The following MAGI2 variants were observed in gnomAD, a reference collection of about 807,000 sequenced individuals.
MAGI2 encodes the protein membrane associated guanylate kinase, WW and PDZ domain containing 2, also known as membrane-associated guanylate kinase, WW and PDZ domain-containing protein 2.
MAGI2 carries 35 observed loss-of-function variants against 133.3 expected under a neutral mutation model. That is an observed-to-expected ratio of 0.26 (90% CI 0.20 to 0.35). The LOEUF (loss-of-function observed/expected upper bound fraction) is 0.35. Among genes scored for constraint, MAGI2 ranks in the 10% least tolerant of loss-of-function variants. MAGI2 has a pLI of 1.00. For synonymous variants in MAGI2, 729 were observed against 710.6 expected, an observed-to-expected ratio of 1.03 and a Z score of -0.41; for missense variants, 1,636 against 1,863.4, an observed-to-expected ratio of 0.88 and a Z score of 2.25.
intron 5 of MAGI2, among the ~76,000 whole-genome samples, chr7:78,497,430 G>T (rs1794187978): frequency 6.6e-6 from 1 of 152,126 alleles, no homozygotes; most frequent in African/African-American, 2.4e-5. Context: ...AACATAGTTG[G>T]CCTGCTAGTT....
chr7:79,174,408 C>T (rs1394356582), intron 1 of MAGI2, among the ~76,000 whole-genome samples: 1 of 151,900 alleles, frequency 6.6e-6, no homozygotes, highest in African/African-American at 2.4e-5. Flanking sequence ...ATTATTTGCA[C>T]GTCTGAATTC....
intron 21 of MAGI2, chr7:78,078,538 C>T (rs375260315): frequency 8.6e-5 from 20 of 232,296 alleles, no homozygotes; most frequent in African/African-American, 4.1e-4. Context: ...GTTACAAATC[C>T]TTTGAGATAG....
intron 12 of MAGI2, among the ~76,000 whole-genome samples, chr7:78,189,390 G>A (rs763250640): frequency 2.6e-5 from 4 of 152,080 alleles, no homozygotes; most frequent in Admixed American, 6.6e-5. Context: ...GATACTCATC[G>A]CTTATTATTC....
At chr7:79,133,186 T>G (rs1018150762) in intron 1 of MAGI2, among the ~76,000 whole-genome samples, 1 of 152,164 alleles carries the variant, frequency 6.6e-6, no homozygotes, top group Non-Finnish European at 1.5e-5. Flanking sequence ...GTTTTTGTTG[T>G]GTTTGCTTTT....
In MAGI2 at chr7:78,727,618, GT is replaced by G. The variant is rs200967079; in HGVS notation, c.419-100380del. 5.3e-3 allele frequency among the ~76,000 whole-genome samples: 811 copies of G among 152,286 alleles called. 7 individuals carry two copies. Among genetic ancestry groups the G allele is most frequent in the African/African-American group, 0.019 (775 of 41,564 alleles). On this transcript the variant is annotated intron_variant, in intron 2 of 21. Transcript: ENST00000354212. ...TGAAGTATATACATCAAATATGGAA[GT>G]CACAACATGAAGGATATTGTGAGGT...
chr7:78,318,896 C>T (rs1376228585), intron 9 of MAGI2, among the ~76,000 whole-genome samples: 2 of 152,120 alleles, frequency 1.3e-5, no homozygotes, highest in East Asian at 1.9e-4. Flanking sequence ...AAATAAAATC[C>T]GTTACAGACA....
At chr7:78,320,454 A>G (rs1332381903) in intron 9 of MAGI2, among the ~76,000 whole-genome samples, 2 of 152,234 alleles carry the variant, frequency 1.3e-5, no homozygotes, top group East Asian at 1.9e-4. Context: ...CCAGGGATGC[A>G]AGACTGGTTC....
At chr7:78,670,337 T>C (rs1814217794) in intron 2 of MAGI2, among the ~76,000 whole-genome samples, 1 of 152,094 alleles carries the variant, frequency 6.6e-6, no homozygotes, top group African/African-American at 2.4e-5. Context: ...TCAAAGAGAA[T>C]AAAATACCTA....
chr7:78,707,851 G>A (rs1225925486), intron 2 of MAGI2, among the ~76,000 whole-genome samples: 1 of 151,854 alleles, frequency 6.6e-6, no homozygotes, highest in African/African-American at 2.4e-5. Flanking sequence ...CTTAACCTTG[G>A]GGCTTAGTGC....
At chr7:78,337,573 T>C (rs569972949) in intron 9 of MAGI2, among the ~76,000 whole-genome samples, 26 of 152,346 alleles carry the variant, frequency 1.7e-4, no homozygotes, top group Non-Finnish European at 3.2e-4. Flanking sequence ...TTAAAATACT[T>C]TCATGTTGAT....
At chr7:78,423,973 G>A (rs1458433349) in intron 6 of MAGI2, among the ~76,000 whole-genome samples, 5 of 152,206 alleles carry the variant, frequency 3.3e-5, no homozygotes, top group Admixed American at 6.5e-5. Context: ...TTTCTGAGGC[G>A]AAATTGAAGC....
At chr7:78,435,899 T>A (rs1800237933) in intron 6 of MAGI2, among the ~76,000 whole-genome samples, 1 of 152,188 alleles carries the variant, frequency 6.6e-6, no homozygotes, top group African/African-American at 2.4e-5. Flanking sequence ...TGGTAGGTAC[T>A]ACAGACAGAT....
At chr7:78,748,314 T>A (rs1025426077) in intron 2 of MAGI2, among the ~76,000 whole-genome samples, 2 of 152,216 alleles carry the variant, frequency 1.3e-5, no homozygotes, top group African/African-American at 4.8e-5. Context: ...GGAAAATGAC[T>A]GTAAAAGAAA....
At chr7:78,990,905 T>TACACACACAC (rs140828645) in intron 2 of MAGI2, among the ~76,000 whole-genome samples, 5,229 of 141,384 alleles carry the variant, frequency 0.037, 160 homozygotes, top group African/African-American at 0.077. Context: ...TATATGTACA[T>TACACACACAC]ACACACACAC....
At chr7:78,586,454 G>C (rs1454208346) in intron 3 of MAGI2, among the ~76,000 whole-genome samples, 1 of 150,778 alleles carries the variant, frequency 6.6e-6, no homozygotes, top group African/African-American at 2.4e-5. Context: ...ATAAGAAGAA[G>C]AAAAGGCTCA....
intron 10 of MAGI2, among the ~76,000 whole-genome samples, chr7:78,208,993 C>T: frequency 6.6e-6 from 1 of 151,146 alleles, no homozygotes; most frequent in South Asian, 2.1e-4. Flanking sequence ...GAGGCCGAGG[C>T]AGGTGGATCA....
chr7:79,137,046 A>G (rs748203031), intron 1 of MAGI2, among the ~76,000 whole-genome samples: 1 of 151,692 alleles, frequency 6.6e-6, no homozygotes, highest in Non-Finnish European at 1.5e-5. Context: ...GGCTGGTGCG[A>G]TCTTGGCTCA....
At position 79,062,040 on chromosome 7, in the gene MAGI2, A is replaced by T. The variant is rs192985894; in HGVS notation, c.302-54834T>A. 2.4e-4 allele frequency among the ~76,000 whole-genome samples: 36 copies of T among 152,266 alleles called. No homozygotes were observed. The East Asian group carries it at 4.2e-3, about 18-fold the overall frequency. On this transcript the variant is annotated intron_variant, in intron 1 of 21. Transcript: ENST00000354212. ...CACAAGGCAGGTGTCCAATAAAATG[A>T]TAAGTCCTTTCTTCCTTCATTTTTA... is the stretch of plus-strand genomic sequence containing the variant.
chr7:78,231,934 G>GT (rs34344680), intron 10 of MAGI2, among the ~76,000 whole-genome samples: 46,801 of 151,308 alleles, frequency 0.31, 8,459 homozygotes, highest in Non-Finnish European at 0.4. Flanking sequence ...AACCAAGAGG[G>GT]TTTTTTTTCC....
Sources: gnomAD v4.1 joint callset for allele counts (sites outside exome capture counted in the v4.1 genomes callset) on GRCh38, gnomAD v4.1.1 for gene constraint, MANE v1.5 for transcripts, NCBI Gene and HGNC (gene_info 2026-07-23, HGNC 2026-07-21) for gene names.